The following DIPK1A variants were observed in gnomAD, a reference collection of about 807,000 sequenced individuals.
DIPK1A encodes the protein divergent protein kinase domain 1A.
Under a neutral mutation model 40.8 loss-of-function variants are expected in DIPK1A, and 27 were observed. The ratio of observed to expected loss-of-function variants is 0.66; its 90% CI spans 0.49 to 0.91. The LOEUF (loss-of-function observed/expected upper bound fraction) is 0.91, where lower values mean the gene tolerates loss of function less well. Among genes scored for constraint, DIPK1A ranks in the 40% least tolerant of loss-of-function variants. The pLI, the probability that DIPK1A is intolerant of heterozygous loss-of-function variation, is 0.00. For missense variants in DIPK1A, 412 were observed against 505.7 expected (o/e 0.81, Z 1.78); for synonymous variants, 166 against 171.3 (o/e 0.97, Z 0.24).
intron 4 of DIPK1A, among the ~76,000 whole-genome samples, chr1:92,844,603 CT>C (rs1176661709): frequency 6.6e-6 from 1 of 152,056 alleles, no homozygotes; most frequent in Non-Finnish European, 1.5e-5. Context: ...AATTATTTTC[CT>C]TTTTTTAGAG....
chr1:92,889,263 G>C (rs142761898), intron 1 of DIPK1A, among the ~76,000 whole-genome samples: 1 of 152,306 alleles, frequency 6.6e-6, no homozygotes, highest in African/African-American at 2.4e-5. Flanking sequence ...TGAAGAGATA[G>C]TCCGTTTCCC....
intron 1 of DIPK1A, chr1:92,932,103 G>A (rs935294063): frequency 2.8e-6 from 1 of 355,880 alleles, no homozygotes; most frequent in Non-Finnish European, 5.8e-6. Context: ...ATATACCAGG[G>A]TGGTAAAGAA....
At chr1:92,918,391 C>T (rs762048648) in intron 1 of DIPK1A, among the ~76,000 whole-genome samples, 1 of 152,132 alleles carries the variant, frequency 6.6e-6, no homozygotes, top group Non-Finnish European at 1.5e-5. Context: ...TCAGGTGATG[C>T]GCCTGCCTCA....
chr1:92,950,760 C>G (rs1391238683), intron 1 of DIPK1A, among the ~76,000 whole-genome samples: 2 of 152,040 alleles, frequency 1.3e-5, no homozygotes, highest in Non-Finnish European at 2.9e-5. Context: ...CAAGTATTTC[C>G]AAATGTAATT....
At chr1:92,885,966 T>C (rs1648580248) in intron 1 of DIPK1A, among the ~76,000 whole-genome samples, 2 of 152,240 alleles carry the variant, frequency 1.3e-5, no homozygotes, top group South Asian at 4.1e-4. Flanking sequence ...TGATACATAT[T>C]ACTTATCTCT....
At chr1:92,884,579 C>G (rs1648516658) in intron 1 of DIPK1A, among the ~76,000 whole-genome samples, 1 of 152,056 alleles carries the variant, frequency 6.6e-6, no homozygotes, top group African/African-American at 2.4e-5. Flanking sequence ...GATTAATGGG[C>G]AAATCAGGTG....
At chr1:92,894,713 G>C (rs2100809677) in intron 1 of DIPK1A, among the ~76,000 whole-genome samples, 1 of 152,172 alleles carries the variant, frequency 6.6e-6, no homozygotes, top group Non-Finnish European at 1.5e-5. Flanking sequence ...ATGAATCCAG[G>C]AGCTGGTTTT....
At chr1:92,957,024 AT>A (rs1651880784) in intron 1 of DIPK1A, among the ~76,000 whole-genome samples, 1 of 152,242 alleles carries the variant, frequency 6.6e-6, no homozygotes, top group Non-Finnish European at 1.5e-5. Context: ...GAAAATGTGT[AT>A]AATCTAAGTA....
At chr1:92,890,718 A>G (rs758923664) in intron 1 of DIPK1A, among the ~76,000 whole-genome samples, 4 of 152,084 alleles carry the variant, frequency 2.6e-5, no homozygotes, top group Non-Finnish European at 5.9e-5. Flanking sequence ...TCAGTCTGTT[A>G]CTATTTTACT....
At chr1:92,928,201 T>A (rs1394437961) in intron 1 of DIPK1A, among the ~76,000 whole-genome samples, 1 of 152,216 alleles carries the variant, frequency 6.6e-6, no homozygotes, top group Non-Finnish European at 1.5e-5. Flanking sequence ...TTTGCTGAAC[T>A]CTTTGCATTT....
rs182018447 is a variant in DIPK1A, at chr1:92,834,024, G to A, written c.475-990C>T. The A allele has an allele frequency of 3.2e-4, 100 of 308,128 alleles. No homozygotes were observed. In the East Asian group the frequency reaches 7.1e-3, roughly 22 times the overall value. 19.1% of individuals were successfully genotyped at this position (308,128 alleles called of 1,614,324 possible). On this transcript the variant is annotated intron_variant, in intron 4 of 4. Coordinates refer to the DIPK1A transcript ENST00000615519. ...TCAGTGGGAGGATTGTTTGAGCCCC[G>A]AGGTTGAGGCTGCAGTGAAGTGAGA...
chr1:92,850,957 T>C lies in DIPK1A; in HGVS notation c.190-2A>G. The stretch of plus-strand genomic sequence containing the variant: ...AACTCCAGTCTTGTACTTGTCACAC[T>C]AAAAACCAGGAAATAAAAAAGTAGT... On this transcript the variant is annotated splice_acceptor_variant, in intron 2 of 4. Transcript: ENST00000370310. LOFTEE classifies it high-confidence loss of function. 2 of 1,540,774 alleles carry C rather than the reference T, an allele frequency of 1.3e-6. No individual in the cohort carries two copies. Among genetic ancestry groups the C allele is most frequent in the East Asian group, 2.3e-5 (1 of 42,690 alleles).
At chr1:92,856,988 C>T (rs1003800147) in intron 2 of DIPK1A, among the ~76,000 whole-genome samples, 1 of 152,024 alleles carries the variant, frequency 6.6e-6, no homozygotes, top group Non-Finnish European at 1.5e-5. Flanking sequence ...AATAAATAGG[C>T]CCAGACATAT....
intron 1 of DIPK1A, among the ~76,000 whole-genome samples, chr1:92,916,810 T>A (rs936658498): frequency 1.3e-5 from 2 of 152,194 alleles, no homozygotes; most frequent in African/African-American, 2.4e-5. Flanking sequence ...AGAAAGGGGC[T>A]CAGATTCCAG....
chr1:92,840,435 T>C (rs556055789), downstream of DIPK1A: 18 of 777,744 alleles, frequency 2.3e-5, 1 homozygote, highest in South Asian at 2.5e-4. Flanking sequence ...CCAACATTGA[T>C]TTAGTTTAGT....
intron 1 of DIPK1A, among the ~76,000 whole-genome samples, chr1:92,905,029 C>T (rs1387207233): frequency 6.6e-6 from 1 of 152,006 alleles, no homozygotes; most frequent in Non-Finnish European, 1.5e-5. Context: ...TGTATATGTA[C>T]CACATTTTCT....
intron 1 of DIPK1A, among the ~76,000 whole-genome samples, chr1:92,900,401 C>G (rs370923662): frequency 6.6e-6 from 1 of 151,996 alleles, no homozygotes; most frequent in African/African-American, 2.4e-5. Context: ...TTGAAACTCT[C>G]TAACATATTT....
chr1:92,940,230 C>T (rs915268594), intron 1 of DIPK1A, among the ~76,000 whole-genome samples: 1 of 152,104 alleles, frequency 6.6e-6, no homozygotes, highest in Non-Finnish European at 1.5e-5. Flanking sequence ...CATCACTCTG[C>T]CCTACCCAAC....
At chr1:92,846,824 T>C (rs1277354237) in intron 4 of DIPK1A, among the ~76,000 whole-genome samples, 5 of 7,046 alleles carry the variant, frequency 7.1e-4, no homozygotes, top group African/African-American at 6.2e-3. Flanking sequence ...TATATATATA[T>C]ATATATATAT....
Sources: gnomAD v4.1 joint callset for allele counts (sites outside exome capture counted in the v4.1 genomes callset) on GRCh38, gnomAD v4.1.1 for gene constraint, MANE v1.5 for transcripts, NCBI Gene and HGNC (gene_info 2026-07-23, HGNC 2026-07-21) for gene names.